Variants in UBXN2A observed in about 807,000 individuals in gnomAD.
UBXN2A encodes the protein UBX domain-containing protein 2A.
UBXN2A carries 28 observed loss-of-function variants against 28.4 expected under a neutral mutation model. The observed-to-expected ratio is 0.99, with a 90% CI of 0.73 to 1.35. UBXN2A has a LOEUF of 1.35. Among genes scored for constraint, UBXN2A ranks in the 40% most tolerant of loss-of-function variants. The pLI, the probability that UBXN2A is intolerant of heterozygous loss-of-function variation, is 0.00. For missense variants in UBXN2A, 253 were observed against 297.9 expected, an observed-to-expected ratio of 0.85 and a Z score of 1.11; for synonymous variants, 97 against 103.6, an observed-to-expected ratio of 0.94 and a Z score of 0.39.
intron 1 of UBXN2A, among the ~76,000 whole-genome samples, chr2:23,947,819 G>T (rs925574695): frequency 2.6e-5 from 4 of 152,122 alleles, no homozygotes; most frequent in African/African-American, 4.8e-5. Context: ...GCACACATTG[G>T]TGGGTGGTTC....
intron 1 of UBXN2A, among the ~76,000 whole-genome samples, chr2:23,929,846 G>A (rs1435142710): frequency 6.6e-6 from 1 of 152,100 alleles, no homozygotes; most frequent in Non-Finnish European, 1.5e-5. Context: ...AATTGGGAAG[G>A]CCAAGTTACC....
intron 2 of UBXN2A, among the ~76,000 whole-genome samples, chr2:23,960,098 A>G: frequency 6.6e-6 from 1 of 151,060 alleles, no homozygotes; most frequent in East Asian, 1.9e-4. Flanking sequence ...TAAAAATACA[A>G]AAAAAAAATT....
chr2:23,999,372 T>C (rs927225406), intron 6 of UBXN2A, among the ~76,000 whole-genome samples: 1 of 152,188 alleles, frequency 6.6e-6, no homozygotes, highest in African/African-American at 2.4e-5. Context: ...AGTCAAACTT[T>C]AAAAGATAGC....
chr2:23,932,137 G>T (rs1165410814), intron 1 of UBXN2A, among the ~76,000 whole-genome samples: 5 of 152,084 alleles, frequency 3.3e-5, no homozygotes, highest in Non-Finnish European at 5.9e-5. Context: ...GGCCAACATG[G>T]TGAAACCCCA....
chr2:23,961,539 CTTT>C (rs71395167), intron 2 of UBXN2A, among the ~76,000 whole-genome samples: 50 of 51,276 alleles, frequency 9.8e-4, no homozygotes, highest in African/African-American at 3.7e-3. Context: ...AGAAAACTGC[CTTT>C]TTTTTTTTTT....
intron 6 of UBXN2A, chr2:23,997,046 C>T (rs879665367): frequency 3.9e-5 from 6 of 152,188 alleles, no homozygotes; most frequent in Non-Finnish European, 8.8e-5. Flanking sequence ...CTCAGCTTCC[C>T]AAGTAGCTGG....
intron 1 of UBXN2A, among the ~76,000 whole-genome samples, chr2:23,951,413 G>GATATATAT (rs57701448): frequency 1.2e-3 from 137 of 109,766 alleles, no homozygotes; most frequent in Non-Finnish European, 1.5e-3. Flanking sequence ...CAGTAAGATG[G>GATATATAT]ATATATATAT....
chr2:23,937,663 G>A (rs1348136077), upstream of UBXN2A, among the ~76,000 whole-genome samples: 2 of 152,132 alleles, frequency 1.3e-5, no homozygotes, highest in Admixed American at 6.5e-5. Context: ...GCATCAAAAA[G>A]AATAAAATAC....
chr2:23,941,938 G>T (rs1159922113), intron 1 of UBXN2A, among the ~76,000 whole-genome samples: 3 of 152,106 alleles, frequency 2.0e-5, no homozygotes, highest in African/African-American at 7.2e-5. Context: ...TTAGCTGGGC[G>T]TGATGGGGGG....
chr2:23,930,177 T>G (rs1705326549), intron 1 of UBXN2A, among the ~76,000 whole-genome samples: 1 of 152,164 alleles, frequency 6.6e-6, no homozygotes, highest in Non-Finnish European at 1.5e-5. Flanking sequence ...TGTGAGCCAC[T>G]GCGCCTGGAG....
chr2:23,987,785 A>T (rs1708189587), intron 6 of UBXN2A, among the ~76,000 whole-genome samples: 1 of 151,334 alleles, frequency 6.6e-6, no homozygotes, highest in Non-Finnish European at 1.5e-5. Flanking sequence ...CTCAAAAAAA[A>T]AAAAAACAAA....
intron 1 of UBXN2A, among the ~76,000 whole-genome samples, chr2:23,943,042 G>T (rs984033852): frequency 6.6e-6 from 1 of 150,430 alleles, no homozygotes; most frequent in Non-Finnish European, 1.5e-5. Flanking sequence ...TGCAACCTCT[G>T]CCTCCCGGGT....
Position 23,940,521 on chromosome 2 carries a change from G to C in UBXN2A, c.-142G>C, listed in dbSNP as rs950732024. 6.6e-6 allele frequency: 1 copy of C among 151,408 alleles called. No individual in the cohort carries two copies. Among genetic ancestry groups the C allele is most frequent in the Admixed American group, 6.6e-5 (1 of 15,166 alleles). 9.4% of individuals were successfully genotyped at this position (151,408 alleles called of 1,614,324 possible). ...GCGGGATCTCAGCGGCGCGGCCGCG[G>C]AACCTGAGGCGGTCTGGGGCGGCGG... On this transcript the variant is annotated 5_prime_UTR_variant, in exon 1 of 7. Coordinates refer to ENST00000309033, the MANE Select transcript of UBXN2A (RefSeq NM_181713.4).
intron 3 of UBXN2A, among the ~76,000 whole-genome samples, chr2:23,972,215 A>G (rs1707451282): frequency 6.6e-6 from 1 of 152,340 alleles, no homozygotes; most frequent in Admixed American, 6.5e-5. Context: ...AGTGGCAACA[A>G]ACTGTGCTAG....
At chr2:23,967,947 G>C (rs999738589) in intron 2 of UBXN2A, among the ~76,000 whole-genome samples, 1 of 150,602 alleles carries the variant, frequency 6.6e-6, no homozygotes, top group Admixed American at 6.6e-5. Context: ...TTTTTTAAGA[G>C]ATGAGGTCTC....
chr2:23,952,397 G>A (rs1216474531), intron 1 of UBXN2A, among the ~76,000 whole-genome samples: 1 of 152,018 alleles, frequency 6.6e-6, no homozygotes, highest in Admixed American at 6.6e-5. Flanking sequence ...CGGAGTAGCT[G>A]GGACTACAGG....
At chr2:23,936,383 G>A (rs942511493), upstream of UBXN2A, among the ~76,000 whole-genome samples, 2 of 152,210 alleles carry the variant, frequency 1.3e-5, no homozygotes, top group Middle Eastern at 6.8e-3. Context: ...CCACGTATAT[G>A]AGGTATCTAG....
chr2:23,975,769 A>G (rs928236976), intron 3 of UBXN2A, among the ~76,000 whole-genome samples: 2 of 152,124 alleles, frequency 1.3e-5, no homozygotes, highest in African/African-American at 4.8e-5. Flanking sequence ...CTGGGATTAC[A>G]GGCATGCACC....
intron 6 of UBXN2A, chr2:23,996,902 T>G (rs912100401): frequency 6.6e-6 from 1 of 152,146 alleles, no homozygotes; most frequent in Non-Finnish European, 1.5e-5. Flanking sequence ...ATTTCTGACC[T>G]GGGCTGGTTC....
Sources: allele counts gnomAD v4.1 joint callset (sites outside exome capture counted in the v4.1 genomes callset), GRCh38; gene constraint gnomAD v4.1.1; transcripts MANE v1.5; gene names NCBI Gene and HGNC (gene_info 2026-07-23, HGNC 2026-07-21).